The following USP32 variants were observed in gnomAD, a reference collection of about 807,000 sequenced individuals.
USP32 encodes ubiquitin carboxyl-terminal hydrolase 32.
USP32 carries 59 observed loss-of-function variants against 204.8 expected under a neutral mutation model. The observed-to-expected ratio is 0.29, with a 90% CI of 0.23 to 0.36. The LOEUF is 0.36. USP32 is among the 10% of genes least tolerant of loss of function. USP32 has a pLI of 1.00. For synonymous variants in USP32, 517 were observed against 678.4 expected, an observed-to-expected ratio of 0.76 and a Z score of 3.70; for missense variants, 1,160 against 1,946.4, an observed-to-expected ratio of 0.60 and a Z score of 7.60.
In USP32 at chr17:60,183,413, C is replaced by T; in HGVS notation, c.3875G>A (p.Trp1292Ter). The T allele has an allele frequency of 6.2e-7, 1 of 1,612,322 alleles. No homozygotes were observed. Among genetic ancestry groups the T allele is most frequent in the Non-Finnish European group, 8.5e-7 (1 of 1,178,940 alleles). Reference protein sequence around the residue: ...LKRFQFVNGRWIKSQKIVKFP... With the variant: ...LKRFQFVNGR ...TTTGACAATTTTCTGTGATTTTATC[C>T]ACCGACCATTTACAAATTGAAATCG... is the stretch of plus-strand genomic sequence containing the variant. Residue 1292 changes from tryptophan (W) to a stop codon, truncating the protein, a stop_gained, in exon 31 of 34, where the codon TGG becomes TAG. Coordinates refer to ENST00000300896, the MANE Select transcript of USP32 (RefSeq NM_032582.4). LOFTEE classifies it high-confidence loss of function.
intron 1 of USP32, among the ~76,000 whole-genome samples, chr17:60,355,409 G>A (rs1330805560): frequency 6.6e-6 from 1 of 152,106 alleles, no homozygotes; most frequent in East Asian, 1.9e-4. Flanking sequence ...AAAAAAACCT[G>A]TAAGGAGACC....
chr17:60,201,172 T>C (rs2469001), intron 26 of USP32, among the ~76,000 whole-genome samples: 1 of 152,192 alleles, frequency 6.6e-6, no homozygotes, highest in Non-Finnish European at 1.5e-5. Flanking sequence ...TCTTTTGTGT[T>C]TGGCTTCTTT....
At chr17:60,280,130 CTT>C (rs1460873098) in intron 5 of USP32, among the ~76,000 whole-genome samples, 2 of 152,050 alleles carry the variant, frequency 1.3e-5, no homozygotes, top group Non-Finnish European at 2.9e-5. Context: ...GAGTTTCACT[CTT>C]GTTACCCAGG....
At position 60,181,567 on chromosome 17, in the gene USP32, A is replaced by T; in HGVS notation, c.4305T>A (p.Ala1435=). 1 of 1,613,994 alleles carries T rather than the reference A, an allele frequency of 6.2e-7. No homozygotes were observed. Among genetic ancestry groups the T allele is most frequent in the South Asian group, 1.1e-5 (1 of 91,078 alleles). The change falls in exon 32 of 34, where the codon GCT becomes GCA. Residue 1435 remains alanine, a synonymous_variant. Transcript: ENST00000300896. ...CGTCAGCCAGCTCACATATCTGCCC[A>T]GCCCCATTTTCTTTGCTGGCATCCA... ...ENLDASKENG[A]GQICELADAL...
At chr17:60,203,977 C>T (rs1463448817) in intron 26 of USP32, among the ~76,000 whole-genome samples, 2 of 152,168 alleles carry the variant, frequency 1.3e-5, no homozygotes, top group Non-Finnish European at 2.9e-5. Context: ...ATTCCTAGTT[C>T]AGTGCCCTTT....
intron 1 of USP32, among the ~76,000 whole-genome samples, chr17:60,347,570 G>C (rs1037316969): frequency 6.6e-5 from 10 of 150,776 alleles, no homozygotes; most frequent in Non-Finnish European, 4.4e-5. Flanking sequence ...AGCCAGGATG[G>C]TCTCGATCTC....
intron 5 of USP32, among the ~76,000 whole-genome samples, chr17:60,282,386 G>C (rs1035649859): frequency 3.3e-5 from 5 of 151,846 alleles, no homozygotes; most frequent in Non-Finnish European, 7.4e-5. Context: ...ACGGGGTCTC[G>C]CTCTATTGCC....
At chr17:60,188,732 C>T (rs1407975003) in intron 29 of USP32, among the ~76,000 whole-genome samples, 1 of 152,148 alleles carries the variant, frequency 6.6e-6, no homozygotes, top group Non-Finnish European at 1.5e-5. Context: ...AGATAAATTC[C>T]TAAAAGGGAA....
intron 1 of USP32, among the ~76,000 whole-genome samples, chr17:60,412,592 G>C (rs761471781): frequency 9.9e-5 from 15 of 151,316 alleles, no homozygotes; most frequent in Non-Finnish European, 1.9e-4. Context: ...TGATTCTGAA[G>C]ATCTAAGGCA....
At chr17:60,414,773 C>T (rs2090047308) in intron 1 of USP32, among the ~76,000 whole-genome samples, 1 of 152,092 alleles carries the variant, frequency 6.6e-6, no homozygotes, top group Non-Finnish European at 1.5e-5. Context: ...CATCAAGTTG[C>T]TCATTTACTT....
Position 60,338,282 on chromosome 17 carries a change from G to A in USP32, c.186+7199C>T, listed in dbSNP as rs187534264. On this transcript the variant is annotated intron_variant, in intron 2 of 33. Coordinates refer to ENST00000300896, the MANE Select transcript of USP32 (RefSeq NM_032582.4). ...GGAGGTCGCAGTGAGCCAAGATTGC[G>A]CCACTGCACTCCAGCCTGGGTGACA... Among the ~76,000 whole-genome samples the A allele has an allele frequency of 4.6e-3, 683 of 149,000 alleles. 5 individuals carry two copies. The highest frequency in any genetic ancestry group is 7.4e-3 in the Non-Finnish European group (500 of 67,540).
intron 28 of USP32, among the ~76,000 whole-genome samples, chr17:60,191,719 T>C (rs879903708): frequency 4.1e-4 from 62 of 151,514 alleles, no homozygotes; most frequent in Non-Finnish European, 6.0e-4. Flanking sequence ...CCGTGTTAGC[T>C]AGGATGGTCT....
intron 2 of USP32, among the ~76,000 whole-genome samples, chr17:60,336,501 G>A (rs1326032229): frequency 7.1e-6 from 1 of 141,110 alleles, no homozygotes; most frequent in East Asian, 2.0e-4. Context: ...GGATCACGAG[G>A]TCAAGAGATC....
At chr17:60,326,093 G>A (rs1406764542) in intron 2 of USP32, among the ~76,000 whole-genome samples, 1 of 151,714 alleles carries the variant, frequency 6.6e-6, no homozygotes, top group Non-Finnish European at 1.5e-5. Flanking sequence ...GTAAGGATAG[G>A]AACTCTTGTT....
rs2084131893 is a variant in USP32 at position 60,182,315 on chromosome 17, A to T, written c.4124-567T>A. 2.0e-5 allele frequency among the ~76,000 whole-genome samples: 3 copies of T among 152,232 alleles called. No homozygotes were observed. In the South Asian group the frequency reaches 6.2e-4, roughly 31 times the overall value. On this transcript the variant is annotated intron_variant, in intron 31 of 33. Transcript: ENST00000300896. ...TATCTATCAATATTTCCCGTATTAGAAATTAAAACTAAGGAATGAAAAAGT... is the reference window on the plus strand; with the variant it reads ...TATCTATCAATATTTCCCGTATTAGTAATTAAAACTAAGGAATGAAAAAGT...
intron 7 of USP32, among the ~76,000 whole-genome samples, chr17:60,268,449 T>TG (rs1567816099): frequency 6.6e-6 from 1 of 151,306 alleles, no homozygotes; most frequent in Admixed American, 6.6e-5. Context: ...GGTACATGCC[T>TG]GTAGTCCCAG....
intron 10 of USP32, among the ~76,000 whole-genome samples, chr17:60,254,541 A>C (rs2086245434): frequency 6.6e-6 from 1 of 152,072 alleles, no homozygotes; most frequent in Non-Finnish European, 1.5e-5. Context: ...CTCTACAAAA[A>C]ATACAAAATT....
chr17:60,361,494 C>T (rs1297666059), intron 1 of USP32, among the ~76,000 whole-genome samples: 1 of 152,140 alleles, frequency 6.6e-6, no homozygotes, highest in Non-Finnish European at 1.5e-5. Context: ...CATATACATG[C>T]CTCCTTAGAT....
At chr17:60,333,504 G>A (rs1173523759) in intron 2 of USP32, among the ~76,000 whole-genome samples, 1 of 152,122 alleles carries the variant, frequency 6.6e-6, no homozygotes, top group Non-Finnish European at 1.5e-5. Context: ...GGACACTAAG[G>A]CAGGAGAGTC....
Sources: allele counts gnomAD v4.1 joint callset (sites outside exome capture counted in the v4.1 genomes callset), GRCh38; gene constraint gnomAD v4.1.1; transcripts MANE v1.5; gene names NCBI Gene and HGNC (gene_info 2026-07-23, HGNC 2026-07-21).